The following LUZP2 variants were observed in gnomAD, a reference collection of about 807,000 sequenced individuals.
LUZP2 encodes leucine zipper protein 2.
LUZP2 carries 52 observed loss-of-function variants against 51.6 expected under a neutral mutation model. That is an observed-to-expected ratio of 1.01 (90% CI 0.81 to 1.27). LUZP2 has a LOEUF of 1.27. Ranked by LOEUF, LUZP2 falls within the 50% of genes most tolerant of loss-of-function variation. The pLI, the probability that LUZP2 is intolerant of heterozygous loss-of-function variation, is 0.00. For synonymous variants in LUZP2, 154 were observed against 137.3 expected (o/e 1.12, Z -0.85); for missense variants, 436 against 395.4 (o/e 1.10, Z -0.87).
chr11:24,914,500 A>C lies in LUZP2; in HGVS notation c.484A>C (p.Lys162Gln). Residue 162 changes from lysine to glutamine, a missense_variant, in exon 7 of 12, where the codon AAG (lysine) becomes CAG (glutamine). By Grantham distance (53) the Lys-to-Gln change is moderately conservative (BLOSUM62 1). Coordinates refer to ENST00000336930, the MANE Select transcript of LUZP2 (RefSeq NM_001009909.4). Reference sequence around the variant, plus strand: ...GTCAAAAAAAATCCAAGCCCAGCTGAAGGAGCTTCGTTATGGGAAGAAGGA... The same window carrying C: ...GTCAAAAAAAATCCAAGCCCAGCTGCAGGAGCTTCGTTATGGGAAGAAGGA... The part of the protein sequence containing the change: ...EESKKIQAQL[K>Q]ELRYGKKDLL... 1 of 1,609,808 alleles carries C rather than the reference A, an allele frequency of 6.2e-7. No homozygotes were observed. Among genetic ancestry groups the C allele is most frequent in the South Asian group, 1.1e-5 (1 of 90,046 alleles).
chr11:24,502,384 T>TTGTA (rs1850022513), intron 1 of LUZP2, among the ~76,000 whole-genome samples: 2 of 151,320 alleles, frequency 1.3e-5, no homozygotes, highest in Admixed American at 1.3e-4. Context: ...AGTATTTTGT[T>TTGTA]TGTTTGTTTG....
At chr11:24,742,957 C>T (rs544882794) in intron 4 of LUZP2, among the ~76,000 whole-genome samples, 2 of 152,140 alleles carry the variant, frequency 1.3e-5, no homozygotes, top group Admixed American at 6.6e-5. Context: ...GGTGTCCTTT[C>T]CCCACTTTAT....
intron 1 of LUZP2, among the ~76,000 whole-genome samples, chr11:24,649,956 GACACACACATACACACAGAGACAC>G (rs1461650607): frequency 7.5e-6 from 1 of 132,980 alleles, no homozygotes; most frequent in Non-Finnish European, 1.6e-5. Flanking sequence ...CACAGACACA[GACACACACATACACACAGAGACAC>G]ACACACACAC....
intron 5 of LUZP2, among the ~76,000 whole-genome samples, chr11:24,807,193 C>T (rs185204637): frequency 1.6e-4 from 24 of 152,134 alleles, no homozygotes; most frequent in South Asian, 4.1e-4. Flanking sequence ...CAGTAGCTCA[C>T]GCCTGTAATC....
chr11:25,069,535 C>T (rs2134052843), intron 10 of LUZP2, among the ~76,000 whole-genome samples: 1 of 151,828 alleles, frequency 6.6e-6, no homozygotes, highest in East Asian at 1.9e-4. Flanking sequence ...GTTTTGATCA[C>T]TTGAGCATGT....
chr11:25,012,799 T>C (rs1463984399), intron 9 of LUZP2, among the ~76,000 whole-genome samples: 2 of 152,176 alleles, frequency 1.3e-5, no homozygotes, highest in Non-Finnish European at 2.9e-5. Context: ...ACATCCACTA[T>C]GAAGACACTA....
chr11:24,898,864 G>A (rs1192846464), intron 5 of LUZP2, among the ~76,000 whole-genome samples: 1 of 151,894 alleles, frequency 6.6e-6, no homozygotes, highest in Non-Finnish European at 1.5e-5. Flanking sequence ...GAATAGTACA[G>A]TGTTCTATTA....
intron 7 of LUZP2, among the ~76,000 whole-genome samples, chr11:24,973,248 T>C (rs988917129): frequency 6.6e-6 from 1 of 151,458 alleles, no homozygotes; most frequent in Non-Finnish European, 1.5e-5. Context: ...TATAGTATTC[T>C]CTGATTTTTT....
At chr11:24,759,174 G>A (rs1053002300) in intron 4 of LUZP2, among the ~76,000 whole-genome samples, 1 of 152,064 alleles carries the variant, frequency 6.6e-6, no homozygotes, top group African/African-American at 2.4e-5. Context: ...CCCTACTCTT[G>A]TTAATTTTTA....
chr11:24,707,050 GAAA>G (rs1857613868), intron 1 of LUZP2, among the ~76,000 whole-genome samples: 1 of 150,134 alleles, frequency 6.7e-6, no homozygotes, highest in African/African-American at 2.4e-5. Flanking sequence ...AAAGAGAGAA[GAAA>G]AAAGTATATA....
intron 5 of LUZP2, among the ~76,000 whole-genome samples, chr11:24,853,051 T>TG (rs1187545565): frequency 6.6e-6 from 1 of 152,222 alleles, no homozygotes; most frequent in East Asian, 1.9e-4. Context: ...GTCTTTTAAT[T>TG]GGGGCATTTA....
At chr11:24,587,114 C>G (rs1853094196) in intron 1 of LUZP2, among the ~76,000 whole-genome samples, 1 of 152,080 alleles carries the variant, frequency 6.6e-6, no homozygotes, top group African/African-American at 2.4e-5. Context: ...AATATACAGT[C>G]TAATTCTTTA....
At chr11:24,675,494 TAGCTTGCCATAGAGTACTTTCAAAATAG>T (rs1254105913) in intron 1 of LUZP2, among the ~76,000 whole-genome samples, 3 of 152,178 alleles carry the variant, frequency 2.0e-5, no homozygotes, top group African/African-American at 7.2e-5. Context: ...AGCAGAAAAT[TAGCTTGCCATAGAGTACTTTCAAAATAG>T]AACTGTCATG....
intron 1 of LUZP2, among the ~76,000 whole-genome samples, chr11:24,685,310 G>T (rs1042970556): frequency 2.0e-5 from 3 of 151,956 alleles, no homozygotes; most frequent in African/African-American, 7.3e-5. Context: ...AATTCTAGGG[G>T]CATGGCAAGT....
chr11:24,623,943 A>G (rs759860399), intron 1 of LUZP2, among the ~76,000 whole-genome samples: 3 of 152,226 alleles, frequency 2.0e-5, no homozygotes, highest in Non-Finnish European at 4.4e-5. Context: ...TTGCCTCTAT[A>G]TGATGATAGA....
chr11:24,780,401 C>A (rs1849055907), intron 5 of LUZP2, among the ~76,000 whole-genome samples: 1 of 152,100 alleles, frequency 6.6e-6, no homozygotes, highest in Non-Finnish European at 1.5e-5. Context: ...TCTTCCACGC[C>A]TTGTTTTCCA....
At chr11:24,862,782 C>T (rs763210023) in intron 5 of LUZP2, among the ~76,000 whole-genome samples, 12 of 151,994 alleles carry the variant, frequency 7.9e-5, no homozygotes, top group South Asian at 2.1e-4. Flanking sequence ...GACAACCTGC[C>T]GAATGGAATA....
chr11:24,803,996 G>GAAAAA (rs75845899), intron 5 of LUZP2, among the ~76,000 whole-genome samples: 2 of 106,076 alleles, frequency 1.9e-5, no homozygotes, highest in Admixed American at 1.0e-4. Context: ...TGCCATAAAG[G>GAAAAA]AAAAAAAAAA....
intron 9 of LUZP2, among the ~76,000 whole-genome samples, chr11:24,994,662 C>G (rs1856444747): frequency 1.3e-5 from 2 of 152,100 alleles, no homozygotes; most frequent in Admixed American, 1.3e-4. Flanking sequence ...TCTAGAAAAA[C>G]AAATAAAGCT....
Sources: allele counts gnomAD v4.1 joint callset (sites outside exome capture counted in the v4.1 genomes callset), GRCh38; gene constraint gnomAD v4.1.1; transcripts MANE v1.5; gene names NCBI Gene and HGNC (gene_info 2026-07-23, HGNC 2026-07-21).